CADM2: variants seen among roughly 807,000 people sequenced by gnomAD.
The protein encoded by CADM2 is immunoglobulin superfamily member 4D.
CADM2 carries 12 observed loss-of-function variants against 49.8 expected under a neutral mutation model. The ratio of observed to expected loss-of-function variants is 0.24; its 90% CI spans 0.15 to 0.39. CADM2 has a LOEUF of 0.39. Ranked by LOEUF, CADM2 falls within the 10% of genes least tolerant of loss-of-function variation. The pLI is 1.00. For synonymous variants in CADM2, 214 were observed against 175.4 expected (o/e 1.22, Z -1.74); for missense variants, 378 against 492.3 (o/e 0.77, Z 2.20).
At chr3:85,359,742 T>C (rs2032215981) in intron 1 of CADM2, among the ~76,000 whole-genome samples, 1 of 143,258 alleles carries the variant, frequency 7.0e-6, no homozygotes, top group South Asian at 2.2e-4. Context: ...AGTAAGCAAG[T>C]TGAGAAAACA....
chr3:85,687,289 A>G (rs2066245427), intron 1 of CADM2, among the ~76,000 whole-genome samples: 1 of 152,226 alleles, frequency 6.6e-6, no homozygotes. Flanking sequence ...TAGGTAGCTT[A>G]AAAGAATGCC....
intron 1 of CADM2, among the ~76,000 whole-genome samples, chr3:85,206,722 T>C (rs889974225): frequency 7.2e-5 from 11 of 152,124 alleles, no homozygotes; most frequent in Admixed American, 6.5e-5. Context: ...TGTTTTAAGT[T>C]TTCAATTTTA....
chr3:85,235,436 T>G (rs564025481), intron 1 of CADM2, among the ~76,000 whole-genome samples: 1 of 152,232 alleles, frequency 6.6e-6, no homozygotes, highest in Non-Finnish European at 1.5e-5. Flanking sequence ...TCACTTCACA[T>G]CCTCTTAGAA....
At chr3:85,750,095 GAGA>G (rs1156504733) in intron 2 of CADM2, among the ~76,000 whole-genome samples, 1 of 152,014 alleles carries the variant, frequency 6.6e-6, no homozygotes, top group Non-Finnish European at 1.5e-5. Flanking sequence ...GCTATAGTCT[GAGA>G]AGTTTATTGA....
In CADM2 at chr3:85,734,201, A is replaced by G. The variant is rs545649611; in HGVS notation, c.88+7653A>G. On this transcript the variant is annotated intron_variant, in intron 2 of 9. Transcript: ENST00000383699. ...CAATTAAAAAGCTTTGGGGAAAGTT[A>G]TCAGAATTCCTGGGTTCTAGGGTCT... 2.0e-5 allele frequency among the ~76,000 whole-genome samples: 3 copies of G among 152,278 alleles called. No homozygotes were observed. In the South Asian group the frequency reaches 6.2e-4, roughly 32 times the overall value.
intron 6 of CADM2, among the ~76,000 whole-genome samples, chr3:85,928,551 G>A (rs4302394): frequency 0.7 from 106,526 of 151,938 alleles, 38,970 homozygotes; most frequent in African/African-American, 0.93. Flanking sequence ...CAAAGGTAAA[G>A]CAATAAAAAA....
intron 1 of CADM2, among the ~76,000 whole-genome samples, chr3:85,464,714 T>A (rs1166785600): frequency 6.6e-6 from 1 of 152,228 alleles, no homozygotes; most frequent in Non-Finnish European, 1.5e-5. Context: ...GCTCTGTAGT[T>A]AAAGGAAATA....
At chr3:85,683,999 A>G (rs901409711) in intron 1 of CADM2, among the ~76,000 whole-genome samples, 4 of 152,180 alleles carry the variant, frequency 2.6e-5, no homozygotes, top group Non-Finnish European at 5.9e-5. Flanking sequence ...GCAAGCCTTT[A>G]GCATATATAT....
At chr3:85,466,367 C>T (rs2038490645) in intron 1 of CADM2, among the ~76,000 whole-genome samples, 1 of 152,066 alleles carries the variant, frequency 6.6e-6, no homozygotes, top group African/African-American at 2.4e-5. Context: ...ATTATTTCAA[C>T]ATTAAAAAAG....
chr3:85,203,687 C>T (rs887633377), intron 1 of CADM2, among the ~76,000 whole-genome samples: 5 of 152,168 alleles, frequency 3.3e-5, no homozygotes, highest in African/African-American at 9.7e-5. Flanking sequence ...TGTAAAAAGC[C>T]ATGCAGTATC....
intron 1 of CADM2, among the ~76,000 whole-genome samples, chr3:85,634,212 A>C (rs1411165223): frequency 2.0e-5 from 3 of 152,020 alleles, no homozygotes; most frequent in Admixed American, 6.6e-5. Context: ...GGTATTAAAC[A>C]TATGCTACTA....
chr3:85,185,406 C>T (rs538639159), intron 1 of CADM2, among the ~76,000 whole-genome samples: 1 of 152,024 alleles, frequency 6.6e-6, no homozygotes, highest in Non-Finnish European at 1.5e-5. Context: ...TTTGTATTAT[C>T]TAAAGCAGGA....
chr3:85,150,747 A>G (rs1252009498), intron 1 of CADM2, among the ~76,000 whole-genome samples: 1 of 151,508 alleles, frequency 6.6e-6, no homozygotes, highest in Non-Finnish European at 1.5e-5. Flanking sequence ...CTAAAAAAAA[A>G]AGGAAAAAAA....
chr3:85,016,367 G>A (rs949139783), intron 1 of CADM2, among the ~76,000 whole-genome samples: 1 of 152,160 alleles, frequency 6.6e-6, no homozygotes, highest in Admixed American at 6.5e-5. Context: ...AGAGAAAATG[G>A]AAATAAAGAT....
chr3:85,120,678 G>T (rs1008908215), intron 1 of CADM2, among the ~76,000 whole-genome samples: 2 of 152,018 alleles, frequency 1.3e-5, no homozygotes, highest in South Asian at 2.1e-4. Context: ...GGCCTCCTGG[G>T]GGGTAGGGGG....
At chr3:85,413,167 T>A (rs143867099) in intron 1 of CADM2, among the ~76,000 whole-genome samples, 25,648 of 81,926 alleles carry the variant, frequency 0.31, 4,478 homozygotes, top group East Asian at 0.44. Context: ...AAAAAAATAA[T>A]AATAATAATA....
chr3:85,850,374 G>T (rs1359800713), intron 3 of CADM2, among the ~76,000 whole-genome samples: 3 of 145,480 alleles, frequency 2.1e-5, no homozygotes, highest in African/African-American at 7.8e-5. Flanking sequence ...GCCCAGGCTG[G>T]AGAGCAGTGG....
intron 8 of CADM2, among the ~76,000 whole-genome samples, chr3:85,967,823 A>G (rs1725652934): frequency 6.6e-6 from 1 of 151,586 alleles, no homozygotes. Context: ...TACATCTTCT[A>G]GCTCGTATGG....
At chr3:85,826,115 G>A (rs1448613) in intron 3 of CADM2, among the ~76,000 whole-genome samples, 60,393 of 151,774 alleles carry the variant, frequency 0.4, 12,298 homozygotes, top group East Asian at 0.57. Context: ...ATCATCACAT[G>A]CTTTTATAGA....
Sources: allele counts gnomAD v4.1 joint callset (sites outside exome capture counted in the v4.1 genomes callset), GRCh38; gene constraint gnomAD v4.1.1; transcripts MANE v1.5; gene names NCBI Gene and HGNC (gene_info 2026-07-23, HGNC 2026-07-21).